Variants in INHBA observed in about 807,000 individuals in gnomAD.
INHBA encodes inhibin beta A chain.
In INHBA, 1 loss-of-function variant was observed where a neutral mutation model predicts 29.0. That is an observed-to-expected ratio of 0.03 (90% confidence interval 0.01 to 0.16). INHBA has a LOEUF of 0.16. INHBA is among the 10% of genes least tolerant of loss of function. INHBA has a pLI of 1.00. For missense variants in INHBA, 376 were observed against 545.4 expected (o/e 0.69, Z 3.09); for synonymous variants, 242 against 216.8 (o/e 1.12, Z -1.02).
Position 41,690,173 on chromosome 7 carries a change from C to G in INHBA, c.758G>C (p.Ser253Thr). 1 of 1,613,798 alleles carries G rather than the reference C, an allele frequency of 6.2e-7. No homozygotes were observed. The highest frequency in any genetic ancestry group is 8.5e-7 in the Non-Finnish European group (1 of 1,180,014). The change falls in exon 3 of 3, where the codon AGC (serine) becomes ACC (threonine). Residue 253 changes from serine (S) to threonine (T), a missense_variant. Around this residue, in one of 4 missense-constraint regions of INHBA, gnomAD observed 253 missense variants for 313.4 expected, o/e 0.81. Transcript: ENST00000242208. ...CTTCTTCTTGCCCAGGAGAACCAAG[C>G]TGGCGCCACTCTCCTGGCACTGCTC... ...ACEQCQESGA[S>T]LVLLGKKKKK...
chr7:41,693,710 G>T (rs770830230), intron 2 of INHBA, among the ~76,000 whole-genome samples: 12 of 152,216 alleles, frequency 7.9e-5, no homozygotes, highest in Non-Finnish European at 1.6e-4. Context: ...ATCATAAAAT[G>T]ACTTTCATGC....
In INHBA at chr7:41,685,500, A is replaced by G. The variant is rs1794378210; in HGVS notation, c.*4150T>C. The stretch of plus-strand genomic sequence containing the variant: ...AAACAAAGTAAAAAACCAACAAAAT[A>G]GAAACAAACAAACAAACAACATCAA... On this transcript the variant is annotated 3_prime_UTR_variant, in exon 3 of 3. Coordinates refer to ENST00000242208, the MANE Select transcript of INHBA (RefSeq NM_002192.4). 1 of 152,110 alleles carries G rather than the reference A, an allele frequency of 6.6e-6. No homozygotes were observed. The highest frequency in any genetic ancestry group is 2.1e-4 in the South Asian group (1 of 4,834). 9.4% of individuals were successfully genotyped at this position (152,110 alleles called of 1,614,324 possible).
upstream of INHBA, among the ~76,000 whole-genome samples, chr7:41,704,571 C>G (rs540561466): frequency 9.3e-5 from 14 of 150,704 alleles, no homozygotes; most frequent in Admixed American, 5.9e-4. Context: ...CACATGAACC[C>G]TAGTGTCCTG....
rs376914466 is a variant in INHBA at position 41,700,451 on chromosome 7, G to C, written c.-77C>G. 1.6e-6 allele frequency: 2 copies of C among 1,288,526 alleles called. No homozygotes were observed. Among genetic ancestry groups the C allele is most frequent in the African/African-American group, 3.0e-5 (2 of 66,038 alleles). 79.8% of individuals were successfully genotyped at this position (1,288,526 alleles called of 1,614,324 possible). A position where few individuals can be genotyped will look rare whatever the true frequency, so the allele number is the denominator to read the frequency against. On this transcript the variant is annotated 5_prime_UTR_variant, in exon 2 of 3. Coordinates refer to ENST00000242208, the MANE Select transcript of INHBA (RefSeq NM_002192.4). ...TCCCCCCTCACGCGCAGGTTTTTTTGTGTGTGTGGATTTTTTTATTTTTTT... is the reference window on the plus strand; with the variant it reads ...TCCCCCCTCACGCGCAGGTTTTTTTCTGTGTGTGGATTTTTTTATTTTTTT...
intron 2 of INHBA, among the ~76,000 whole-genome samples, chr7:41,697,755 A>T (rs543480887): frequency 6.6e-6 from 1 of 152,208 alleles, no homozygotes; most frequent in Non-Finnish European, 1.5e-5. Context: ...TTTTCTATTC[A>T]TGTTCATATA....
chr7:41,703,937 C>T (rs1020315073), upstream of INHBA, among the ~76,000 whole-genome samples: 2 of 152,000 alleles, frequency 1.3e-5, no homozygotes, highest in African/African-American at 2.4e-5. Flanking sequence ...GCTGGTCAGG[C>T]TTTTTTTGTG....
At chr7:41,696,249 G>T (rs1794645399) in intron 2 of INHBA, among the ~76,000 whole-genome samples, 1 of 152,146 alleles carries the variant, frequency 6.6e-6, no homozygotes, top group African/African-American at 2.4e-5. Flanking sequence ...TTTTTGTTAC[G>T]ACCCGGGAGA....
rs1387037675 is a variant in INHBA, at chr7:41,689,848, C to T, written c.1083G>A (p.Thr361=). 4 of 1,614,052 alleles carry T rather than the reference C, an allele frequency of 2.5e-6. No homozygotes were observed. Among genetic ancestry groups the T allele is most frequent in the Non-Finnish European group, 2.5e-6 (3 of 1,179,980 alleles). Residue 361 remains threonine (T), a synonymous_variant, in exon 3 of 3, where the codon ACG becomes ACA. Coordinates refer to ENST00000242208, the MANE Select transcript of INHBA (RefSeq NM_002192.4). The part of the protein sequence containing the change: ...EGECPSHIAG[T]SGSSLSFHST... ...AGTGGAAGGACAGTGAGGACCCGGA[C>T]GTGCCTGCTATATGGCTCGGGCACT...
At position 41,687,812 on chromosome 7, in the gene INHBA, T is replaced by C. The variant is rs1256546176; in HGVS notation, c.*1838A>G. 1 of 152,226 alleles carries C rather than the reference T, an allele frequency of 6.6e-6. No individual in the cohort carries two copies. Among genetic ancestry groups the C allele is most frequent in the Non-Finnish European group, 1.5e-5 (1 of 68,046 alleles). 9.4% of individuals were successfully genotyped at this position (152,226 alleles called of 1,614,324 possible). A position where few individuals can be genotyped will look rare whatever the true frequency, so the allele number is the denominator to read the frequency against. ...ATCATTTTTAAAAAATACACTCAAC[T>C]CTAATTCTGGCCTAAATATTATTTT... On this transcript the variant is annotated 3_prime_UTR_variant, in exon 3 of 3. Coordinates refer to ENST00000242208, the MANE Select transcript of INHBA (RefSeq NM_002192.4).
intron 1 of INHBA, among the ~76,000 whole-genome samples, chr7:41,702,642 G>C (rs1182820597): frequency 1.3e-5 from 2 of 152,156 alleles, no homozygotes; most frequent in Admixed American, 1.3e-4. Context: ...AAAGTTTAAT[G>C]GCTCTAAACA....
chr7:41,695,008 A>T (rs1342346106), intron 2 of INHBA, among the ~76,000 whole-genome samples: 1 of 152,174 alleles, frequency 6.6e-6, no homozygotes, highest in African/African-American at 2.4e-5. Flanking sequence ...TCATGAAGGC[A>T]TGGCAAGGGT....
At chr7:41,701,426 C>G (rs1023545238) in intron 1 of INHBA, among the ~76,000 whole-genome samples, 1 of 152,090 alleles carries the variant, frequency 6.6e-6, no homozygotes, top group African/African-American at 2.4e-5. Flanking sequence ...TTCAGGTCAT[C>G]AACACTGGCA....
chr7:41,689,843 C>A lies in INHBA; in HGVS notation c.1088G>T (p.Gly363Val). The stretch of plus-strand genomic sequence containing the variant: ...TGTTGAGTGGAAGGACAGTGAGGAC[C>A]CGGACGTGCCTGCTATATGGCTCGG... ...ECPSHIAGTS[G>V]SSLSFHSTVI... is the part of the protein sequence containing the mutation. The change falls in exon 3 of 3, where the codon GGG becomes GTG. Residue 363 changes from glycine to valine, a missense_variant. Around this residue, in one of 4 missense-constraint regions of INHBA, gnomAD observed 50 missense variants for 137.9 expected, o/e 0.36. Transcript: ENST00000242208. The A allele has an allele frequency of 1.2e-6, 2 of 1,614,062 alleles. No individual in the cohort carries two copies. The highest frequency in any genetic ancestry group is 1.1e-5 in the South Asian group (1 of 91,068).
rs779488772 is a variant in INHBA at position 41,689,839 on chromosome 7, G to C, written c.1092C>G (p.Ser364=). Residue 364 remains serine, a synonymous_variant, in exon 3 of 3, where the codon TCC becomes TCG. Transcript: ENST00000242208. ...CPSHIAGTSG[S]SLSFHSTVIN... is the part of the protein sequence containing the mutation. ...TGACTGTTGAGTGGAAGGACAGTGA[G>C]GACCCGGACGTGCCTGCTATATGGC... 2 of 1,614,004 alleles carry C rather than the reference G, an allele frequency of 1.2e-6. No homozygotes were observed. Among genetic ancestry groups the C allele is most frequent in the African/African-American group, 1.3e-5 (1 of 74,928 alleles).
At chr7:41,693,566 C>G (rs1411702731) in intron 2 of INHBA, among the ~76,000 whole-genome samples, 1 of 152,146 alleles carries the variant, frequency 6.6e-6, no homozygotes, top group African/African-American at 2.4e-5. Context: ...CATGATCTAG[C>G]CCCACCCCTT....
intron 2 of INHBA, chr7:41,694,187 A>G (rs893811874): frequency 6.6e-6 from 1 of 152,188 alleles, no homozygotes; most frequent in Non-Finnish European, 1.5e-5. Flanking sequence ...GGGAGATGAG[A>G]CTGCTGGAAA....
chr7:41,700,436 C>G lies in INHBA; in HGVS notation c.-62G>C. On this transcript the variant is annotated 5_prime_UTR_variant, in exon 2 of 3. Coordinates refer to ENST00000242208, the MANE Select transcript of INHBA (RefSeq NM_002192.4). ...AGGCCCTGCTTTTCCTCCCCCCTCA[C>G]GCGCAGGTTTTTTTGTGTGTGTGGA... 4 of 1,342,436 alleles carry G rather than the reference C, an allele frequency of 3.0e-6. No homozygotes were observed. The South Asian group carries it at 7.0e-5, about 23-fold the overall frequency. 83.2% of individuals were successfully genotyped at this position (1,342,436 alleles called of 1,614,324 possible). A position where few individuals can be genotyped will look rare whatever the true frequency, so the allele number is the denominator to read the frequency against.
chr7:41,690,596 T>G, intron 2 of INHBA, 54 bp from the exon 3 acceptor site: 1 of 1,481,070 alleles, frequency 6.8e-7, no homozygotes, highest in Non-Finnish European at 8.9e-7. Flanking sequence ...AATTCCAACA[T>G]TTACATGCAC....
chr7:41,692,967 T>A (rs1040644269), intron 2 of INHBA, among the ~76,000 whole-genome samples: 1 of 152,174 alleles, frequency 6.6e-6, no homozygotes, highest in Non-Finnish European at 1.5e-5. Flanking sequence ...GAGGGAAACC[T>A]CCCAAGCCTT....
Sources: allele counts gnomAD v4.1 joint callset (sites outside exome capture counted in the v4.1 genomes callset), GRCh38; gene constraint gnomAD v4.1.1; regional missense constraint gnomAD v4.1.1; transcripts MANE v1.5; gene names NCBI Gene and HGNC (gene_info 2026-07-23, HGNC 2026-07-21).